BCAS3: variants seen among roughly 807,000 people sequenced by gnomAD.
BCAS3 encodes BCAS3 microtubule associated cell migration factor, also known as BCAS4/BCAS3 fusion.
A neutral mutation model predicts 116.1 loss-of-function variants in BCAS3; 53 were observed. That is an observed-to-expected ratio of 0.46 (90% CI 0.37 to 0.57). The LOEUF (loss-of-function observed/expected upper bound fraction) is 0.57, where lower values mean the gene tolerates loss of function less well. BCAS3 is among the 20% of genes least tolerant of loss of function. The pLI is 0.00. For synonymous variants in BCAS3, 391 were observed against 408.2 expected (o/e 0.96, Z 0.51); for missense variants, 917 against 1,165.4 (o/e 0.79, Z 3.10).
Position 60,736,369 on chromosome 17 carries a change from A to G in BCAS3, c.322-10829A>G, listed in dbSNP as rs529553407. 5.8e-4 allele frequency among the ~76,000 whole-genome samples: 88 copies of G among 151,062 alleles called. 2 individuals carry two copies. Among genetic ancestry groups the G allele is most frequent in the Non-Finnish European group, 1.0e-3 (68 of 67,860 alleles). ...CAGCTAATTTTTTTGTATTTTTATT[A>G]GAGACGGTGTTTCTCCATGTTGGCC... On this transcript the variant is annotated intron_variant, in intron 5 of 23. Transcript: ENST00000407086.
intron 22 of BCAS3, among the ~76,000 whole-genome samples, chr17:61,183,313 T>C (rs115409652): frequency 0.011 from 1,638 of 152,242 alleles, 20 homozygotes; most frequent in African/African-American, 0.038. Flanking sequence ...TGATCTTAAG[T>C]ATGGTTTTTA....
chr17:61,086,642 C>A (rs976572874), intron 22 of BCAS3: 1 of 978,326 alleles, frequency 1.0e-6, no homozygotes, highest in South Asian at 4.7e-5. Flanking sequence ...TGAAAGTACC[C>A]ATCTTTTGAG....
intron 3 of BCAS3, among the ~76,000 whole-genome samples, chr17:60,688,571 T>C (rs546029858): frequency 6.6e-6 from 1 of 152,158 alleles, no homozygotes; most frequent in Admixed American, 6.5e-5. Flanking sequence ...CCCAGCACTT[T>C]GGGATGCCGA....
At chr17:60,809,105 G>A (rs1411840117) in intron 7 of BCAS3, among the ~76,000 whole-genome samples, 1 of 152,022 alleles carries the variant, frequency 6.6e-6, no homozygotes, top group African/African-American at 2.4e-5. Flanking sequence ...CCAACAAGGT[G>A]AAACCCTGTC....
intron 22 of BCAS3, among the ~76,000 whole-genome samples, chr17:61,185,930 G>A (rs1165465455): frequency 6.6e-6 from 1 of 151,992 alleles, no homozygotes; most frequent in Non-Finnish European, 1.5e-5. Flanking sequence ...TCCTCAAGTT[G>A]AAAATACTGA....
intron 19 of BCAS3, among the ~76,000 whole-genome samples, chr17:61,053,329 G>A (rs1323044331): frequency 6.6e-6 from 1 of 152,110 alleles, no homozygotes; most frequent in African/African-American, 2.4e-5. Context: ...ATGCATTTGG[G>A]TTTAGAATGA....
At chr17:60,894,563 T>C (rs975355756) in intron 10 of BCAS3, among the ~76,000 whole-genome samples, 16 of 152,214 alleles carry the variant, frequency 1.1e-4, no homozygotes, top group Admixed American at 6.5e-5. Context: ...TTTTCTTTCT[T>C]TCTATTGCCT....
chr17:60,921,323 T>A (rs2059071275), intron 12 of BCAS3, among the ~76,000 whole-genome samples: 1 of 151,936 alleles, frequency 6.6e-6, no homozygotes, highest in Admixed American at 6.6e-5. Context: ...AACCAAATAC[T>A]CCATATTCTC....
In BCAS3 at chr17:60,953,797, G is replaced by A. The variant is rs186084994; in HGVS notation, c.1221+6445G>A. Among the ~76,000 whole-genome samples the A allele has an allele frequency of 3.9e-4, 58 of 150,446 alleles. No individual in the cohort carries two copies. In the East Asian group the frequency reaches 0.011, roughly 28 times the overall value. ...CACCCAGGCTGGAGTGCAATGGCGT[G>A]ATCTCTGCTCACTGCAACCTCTGCC... On this transcript the variant is annotated intron_variant, in intron 14 of 23. Transcript: ENST00000407086.
intron 22 of BCAS3, among the ~76,000 whole-genome samples, chr17:61,085,497 G>A (rs1010883611): frequency 6.6e-6 from 1 of 152,190 alleles, no homozygotes. Context: ...CAAAGTTTCT[G>A]TCTGTGGATA....
At position 61,239,166 on chromosome 17, in the gene BCAS3, C is replaced by G. The variant is rs1039115336; in HGVS notation, c.2426-129161C>G. Among the ~76,000 whole-genome samples the G allele has an allele frequency of 2.0e-5, 3 of 151,856 alleles. No individual in the cohort carries two copies. The East Asian group carries it at 5.8e-4, about 29-fold the overall frequency. On this transcript the variant is annotated intron_variant, in intron 22 of 23. Transcript: ENST00000407086. This position sits in a 1 kb window ranked among gnomAD's most constrained non-coding sequence, Gnocchi z 4.2. ...TGAGCTCATTTTTGAAATGCAAAAG[C>G]AAAAAGGAATAAAATAGCAGGTTAC...
At chr17:61,223,467 G>GT (rs1201403724) in intron 22 of BCAS3, among the ~76,000 whole-genome samples, 10 of 152,046 alleles carry the variant, frequency 6.6e-5, no homozygotes, top group Middle Eastern at 3.2e-3. Context: ...CCACAGAGCT[G>GT]TTTTTTATAA....
At chr17:60,752,568 C>T (rs938943997) in intron 6 of BCAS3, among the ~76,000 whole-genome samples, 3 of 152,030 alleles carry the variant, frequency 2.0e-5, no homozygotes, top group Admixed American at 6.6e-5. Context: ...AGACTACAGG[C>T]GCCCTCCACC....
intron 15 of BCAS3, 93 bp from the exon 16 acceptor site, chr17:61,015,658 A>AT (rs2065404512): frequency 7.9e-7 from 1 of 1,267,782 alleles, no homozygotes; most frequent in Non-Finnish European, 1.1e-6. Flanking sequence ...TTCTTAAATG[A>AT]TTACTGGAGT....
Position 61,140,416 on chromosome 17 carries a change from G to C in BCAS3, c.2425+55852G>C, listed in dbSNP as rs1201940849. 6.6e-6 allele frequency among the ~76,000 whole-genome samples: 1 copy of C among 152,200 alleles called. No homozygotes were observed. Among genetic ancestry groups the C allele is most frequent in the Non-Finnish European group, 1.5e-5 (1 of 68,052 alleles). ...GTGCTGGTGGGAGATGTGGAACAGG[G>C]GACAAGAGATGGAAGGTTTTGAGTT... On this transcript the variant is annotated intron_variant, in intron 22 of 23. Coordinates refer to ENST00000407086, the MANE Select transcript of BCAS3 (RefSeq NM_017679.5). This position sits in a 1 kb window ranked among gnomAD's most constrained non-coding sequence, Gnocchi z 4.2.
chr17:60,862,896 CAGTT>C (rs2054278417), intron 7 of BCAS3, among the ~76,000 whole-genome samples: 2 of 150,840 alleles, frequency 1.3e-5, no homozygotes, highest in African/African-American at 5.0e-5. Flanking sequence ...GTCTGTTAAA[CAGTT>C]AAAGTTTCAC....
In BCAS3 at chr17:61,097,945, G is replaced by A. The variant is rs2074084938; in HGVS notation, c.2425+13381G>A. Among the ~76,000 whole-genome samples the A allele has an allele frequency of 1.3e-5, 2 of 152,206 alleles. No homozygotes were observed. ...TTGAAGAGAATCAACTATTCAGGTGGTGAAAATGTGTGAATGCAGCTGGCA... is the reference window on the plus strand; with the variant it reads ...TTGAAGAGAATCAACTATTCAGGTGATGAAAATGTGTGAATGCAGCTGGCA... On this transcript the variant is annotated intron_variant, in intron 22 of 23. Coordinates refer to ENST00000407086, the MANE Select transcript of BCAS3 (RefSeq NM_017679.5). This position sits in a 1 kb window ranked among gnomAD's most constrained non-coding sequence, Gnocchi z 4.0.
intron 22 of BCAS3, among the ~76,000 whole-genome samples, chr17:61,176,265 ATATAT>A (rs1330158361): frequency 6.7e-6 from 1 of 149,308 alleles, no homozygotes; most frequent in African/African-American, 2.4e-5. Context: ...TGGTTATTTA[ATATAT>A]TATATATGTA....
rs2072112922 is a variant in BCAS3 at position 61,077,391 on chromosome 17, C to T, written c.2131-942C>T. On this transcript the variant is annotated intron_variant, in intron 20 of 23. Coordinates refer to ENST00000407086, the MANE Select transcript of BCAS3 (RefSeq NM_017679.5). The surrounding 1 kb of genome is among the most constrained non-coding windows in gnomAD (Gnocchi z 4.3). ...AATTAGCCGGGCGTGGTGGCGGGCGCCTGTAGTCCCAGCTACTGGGGAGGC... is the reference window on the plus strand; with the variant it reads ...AATTAGCCGGGCGTGGTGGCGGGCGTCTGTAGTCCCAGCTACTGGGGAGGC... 6.6e-6 allele frequency among the ~76,000 whole-genome samples: 1 copy of T among 152,120 alleles called. No individual in the cohort carries two copies. Among genetic ancestry groups the T allele is most frequent in the Non-Finnish European group, 1.5e-5 (1 of 68,040 alleles).
Sources: allele counts gnomAD v4.1 joint callset (sites outside exome capture counted in the v4.1 genomes callset), GRCh38; gene constraint gnomAD v4.1.1; non-coding constraint Gnocchi (gnomAD v3.1); transcripts MANE v1.5; gene names NCBI Gene and HGNC (gene_info 2026-07-23, HGNC 2026-07-21).